ACAA2: variants seen among roughly 807,000 people sequenced by gnomAD.
The protein encoded by ACAA2 is 3-ketoacyl-CoA thiolase, mitochondrial.
A neutral mutation model predicts 44.8 loss-of-function variants in ACAA2; 35 were observed. The ratio of observed to expected loss-of-function variants is 0.78; its 90% CI spans 0.60 to 1.04. The LOEUF (loss-of-function observed/expected upper bound fraction) is 1.04. Ranked by LOEUF, ACAA2 falls within the 50% of genes least tolerant of loss-of-function variation. ACAA2 has a pLI of 0.00. For synonymous variants in ACAA2, 142 were observed against 166.5 expected (o/e 0.85, Z 1.13); for missense variants, 468 against 482.6 (o/e 0.97, Z 0.28).
chr18:49,795,524 T>C (rs900376199), intron 4 of ACAA2, among the ~76,000 whole-genome samples: 15 of 152,164 alleles, frequency 9.9e-5, no homozygotes, highest in African/African-American at 3.6e-4. Context: ...AGGATAATTA[T>C]ACTACTAGAG....
intron 1 of ACAA2, among the ~76,000 whole-genome samples, chr18:49,808,402 C>T (rs2023632478): frequency 6.6e-6 from 1 of 152,188 alleles, no homozygotes; most frequent in African/African-American, 2.4e-5. Context: ...AACCTGCAAA[C>T]AAATGTTTAT....
intron 1 of ACAA2, among the ~76,000 whole-genome samples, chr18:49,807,273 T>TAA (rs1432753968): frequency 6.6e-6 from 1 of 152,174 alleles, no homozygotes; most frequent in African/African-American, 2.4e-5. Flanking sequence ...CATGTGCCTG[T>TAA]AGTCCCAGCT....
At chr18:49,791,634 A>T (rs1228436235) in intron 6 of ACAA2, 35 bp from the exon 7 acceptor site, 1 of 1,604,188 alleles carries the variant, frequency 6.2e-7, no homozygotes, top group Non-Finnish European at 8.5e-7. Flanking sequence ...ACTAAAGGCT[A>T]AAATAATCCA....
At chr18:49,811,895 G>A (rs2023673371) in intron 1 of ACAA2, among the ~76,000 whole-genome samples, 1 of 152,154 alleles carries the variant, frequency 6.6e-6, no homozygotes, top group African/African-American at 2.4e-5. Flanking sequence ...TAATACAGGT[G>A]TCAATGTGCA....
In ACAA2 at chr18:49,794,150, G is replaced by A. The variant is rs2023437855; in HGVS notation, c.577+130C>T. ...AATATCTGATCATCTAAAGACAAAG[G>A]AATAATGAAAAGATGTAATAATTCT... On this transcript the variant is annotated intron_variant, in intron 5 of 9. Coordinates refer to ENST00000285093, the MANE Select transcript of ACAA2 (RefSeq NM_006111.3). 4 of 735,550 alleles carry A rather than the reference G, an allele frequency of 5.4e-6. No homozygotes were observed. In the South Asian group the frequency reaches 1.2e-4, roughly 21 times the overall value. 45.6% of individuals were successfully genotyped at this position (735,550 alleles called of 1,614,324 possible).
intron 2 of ACAA2, 103 bp downstream of exon 2, chr18:49,802,584 A>T: frequency 9.2e-7 from 1 of 1,083,868 alleles, no homozygotes; most frequent in Non-Finnish European, 1.3e-6. Flanking sequence ...AAAAGTCTAT[A>T]ACTATTATTA....
intron 7 of ACAA2, 70 bp from the exon 8 acceptor site, chr18:49,787,431 T>C: frequency 9.0e-7 from 1 of 1,113,238 alleles, no homozygotes; most frequent in Non-Finnish European, 1.2e-6. Context: ...GTATCAAGCT[T>C]CTCCTTCTTT....
chr18:49,792,980 AT>A, intron 5 of ACAA2, among the ~76,000 whole-genome samples: 1 of 152,046 alleles, frequency 6.6e-6, no homozygotes, highest in Non-Finnish European at 1.5e-5. Flanking sequence ...TTTAACCACA[AT>A]TTTTTTTCAC....
intron 2 of ACAA2, among the ~76,000 whole-genome samples, chr18:49,798,587 G>A (rs908526424): frequency 1.3e-5 from 2 of 151,972 alleles, no homozygotes; most frequent in African/African-American, 2.4e-5. Context: ...ATCAAGGTAC[G>A]GGGTTTTAGG....
rs747738161 is a variant in ACAA2 at position 49,795,836 on chromosome 18, C to G, written c.358G>C (p.Glu120Gln). The change falls in exon 4 of 10, where the codon GAA becomes CAA. Residue 120 changes from glutamate to glutamine, a missense_variant. Coordinates refer to ENST00000285093, the MANE Select transcript of ACAA2 (RefSeq NM_006111.3). Reference sequence around the variant, plus strand: ...CAGTAGGGAGCTTGGCTCATGCTTTCGGTTCCTCCACATAAAACAACTTCA... The same window carrying G: ...CAGTAGGGAGCTTGGCTCATGCTTTGGGTTCCTCCACATAAAACAACTTCA... ...EAEVVLCGGT[E>Q]SMSQAPYCVR... is the part of the protein sequence containing the mutation. The G allele has an allele frequency of 6.2e-7, 1 of 1,612,182 alleles. No individual in the cohort carries two copies. The highest frequency in any genetic ancestry group is 1.7e-5 in the Admixed American group (1 of 59,762).
At chr18:49,785,553 A>G (rs1382481964) in intron 8 of ACAA2, 13 of 572,074 alleles carry the variant, frequency 2.3e-5, no homozygotes, top group Non-Finnish European at 2.7e-5. Context: ...CTTTTAGTCA[A>G]ATGCATCCCT....
chr18:49,784,551 T>C (rs1240345398), intron 9 of ACAA2, among the ~76,000 whole-genome samples: 1 of 152,176 alleles, frequency 6.6e-6, no homozygotes, highest in Non-Finnish European at 1.5e-5. Context: ...ACTCAGGGAA[T>C]CATTAAGTGA....
intron 2 of ACAA2, 64 bp downstream of exon 2, chr18:49,802,623 G>T: frequency 6.9e-7 from 1 of 1,456,344 alleles, no homozygotes; most frequent in Non-Finnish European, 9.3e-7. Context: ...TATGTTAAAG[G>T]AATTATTTTT....
chr18:49,797,265 C>CTT (rs11392686), intron 3 of ACAA2, among the ~76,000 whole-genome samples: 2,291 of 143,560 alleles, frequency 0.016, 38 homozygotes, highest in African/African-American at 0.038. Context: ...TCATTATTAG[C>CTT]TTTTTTTTTT....
intron 4 of ACAA2, among the ~76,000 whole-genome samples, chr18:49,794,746 A>T (rs1260569024): frequency 6.6e-6 from 1 of 152,236 alleles, no homozygotes; most frequent in Non-Finnish European, 1.5e-5. Flanking sequence ...CCTCAAGGTC[A>T]TATTTTGTAG....
intron 3 of ACAA2, 66 bp from the exon 4 acceptor site, chr18:49,795,947 A>T: frequency 1.0e-6 from 1 of 958,432 alleles, no homozygotes; most frequent in Non-Finnish European, 1.6e-6. Context: ...TAAGAAACAC[A>T]CTGATTTTAC....
chr18:49,796,618 A>G lies in ACAA2; in HGVS notation c.313-737T>C, dbSNP rs545697946. Among the ~76,000 whole-genome samples the G allele has an allele frequency of 4.6e-5, 7 of 152,352 alleles. No homozygotes were observed. The South Asian group carries it at 1.5e-3, about 32-fold the overall frequency. On this transcript the variant is annotated intron_variant, in intron 3 of 9. Transcript: ENST00000285093. Reference sequence around the variant, plus strand: ...GTATTTAACCAACTGTCCTTTAAAAAGGTCAAACTAGTTTGTACTTCTACT... The same window carrying G: ...GTATTTAACCAACTGTCCTTTAAAAGGGTCAAACTAGTTTGTACTTCTACT...
chr18:49,799,353 T>C (rs967313807), intron 2 of ACAA2, among the ~76,000 whole-genome samples: 3 of 150,360 alleles, frequency 2.0e-5, no homozygotes, highest in Non-Finnish European at 3.0e-5. Flanking sequence ...TGCCTGCGAT[T>C]GCAGGCACGC....
intron 1 of ACAA2, among the ~76,000 whole-genome samples, chr18:49,810,043 G>T: frequency 6.6e-6 from 1 of 152,114 alleles, no homozygotes; most frequent in East Asian, 1.9e-4. Context: ...AACAAAGTTT[G>T]TAAATTTTTT....
Sources: gnomAD v4.1 joint callset for allele counts (sites outside exome capture counted in the v4.1 genomes callset) on GRCh38, gnomAD v4.1.1 for gene constraint, MANE v1.5 for transcripts, NCBI Gene and HGNC (gene_info 2026-07-23, HGNC 2026-07-21) for gene names.